The following KCTD1 variants were observed in gnomAD, a reference collection of about 807,000 sequenced individuals.
KCTD1 encodes potassium channel tetramerization domain containing 1, also known as BTB/POZ domain-containing protein KCTD1.
Under a neutral mutation model 66.0 loss-of-function variants are expected in KCTD1, and 24 were observed. The observed-to-expected ratio is 0.36, with a 90% CI of 0.26 to 0.51. The LOEUF is 0.51. Ranked by LOEUF, KCTD1 falls within the 20% of genes least tolerant of loss-of-function variation. KCTD1 has a pLI of 0.95. For synonymous variants in KCTD1, 511 were observed against 517.2 expected (o/e 0.99, Z 0.16); for missense variants, 943 against 1,205.2 (o/e 0.78, Z 3.22).
intron 1 of KCTD1, among the ~76,000 whole-genome samples, chr18:26,568,941 CA>C (rs1986043063): frequency 6.6e-6 from 1 of 152,008 alleles, no homozygotes; most frequent in Admixed American, 6.6e-5. Context: ...TTGGGCATAA[CA>C]ATTTGATTTA....
intron 2 of KCTD1, among the ~76,000 whole-genome samples, chr18:26,484,908 CATG>C (rs1981837820): frequency 6.6e-6 from 1 of 152,188 alleles, no homozygotes. Flanking sequence ...CAGGAAAGAA[CATG>C]ATGTTTGATG....
intron 2 of KCTD1, among the ~76,000 whole-genome samples, chr18:26,486,684 G>A (rs1010378257): frequency 3.9e-5 from 6 of 152,090 alleles, no homozygotes; most frequent in Admixed American, 1.3e-4. Flanking sequence ...AGGTGGCCCC[G>A]TCTCTCCCTA....
chr18:26,596,490 A>T (rs1312741509), intron 1 of KCTD1, among the ~76,000 whole-genome samples: 1 of 152,164 alleles, frequency 6.6e-6, no homozygotes, highest in East Asian at 1.9e-4. Context: ...GCCCGAGGGG[A>T]CTTAATTCTA....
At chr18:26,609,591 T>G (rs935670905) in intron 1 of KCTD1, among the ~76,000 whole-genome samples, 2 of 152,218 alleles carry the variant, frequency 1.3e-5, no homozygotes, top group African/African-American at 4.8e-5. Context: ...GATTTCCCCC[T>G]CATGAAGACT....
At chr18:26,504,126 GT>G (rs1567971231) in intron 1 of KCTD1, among the ~76,000 whole-genome samples, 5 of 151,894 alleles carry the variant, frequency 3.3e-5, no homozygotes, top group Admixed American at 1.3e-4. Flanking sequence ...GAGTGCAGTG[GT>G]GTGATCAAAG....
intron 1 of KCTD1, among the ~76,000 whole-genome samples, chr18:26,516,610 C>T (rs747968329): frequency 6.6e-6 from 1 of 152,220 alleles, no homozygotes; most frequent in East Asian, 1.9e-4. Flanking sequence ...TCACAGGCAT[C>T]AGTTGAAAGC....
rs113535882 is a variant in KCTD1, at chr18:26,580,852, TAGTGTTCATACATAA to T, written c.-16+48280_-16+48294del. Reference sequence around the variant, plus strand: ...AGAAAATGTTATAAAATTCAAATTTTAGTGTTCATACATAAAGTTTTACTGGAACACAGCCATGCT... The same window carrying T: ...AGAAAATGTTATAAAATTCAAATTTTAGTTTTACTGGAACACAGCCATGCT... On this transcript the variant is annotated intron_variant, in intron 1 of 4. Coordinates refer to the KCTD1 transcript ENST00000317932. Among the ~76,000 whole-genome samples, 161 of 152,350 alleles carry T rather than the reference TAGTGTTCATACATAA, an allele frequency of 1.1e-3. 2 individuals are homozygous for T. The highest frequency in any genetic ancestry group is 3.7e-3 in the African/African-American group (152 of 41,586).
intron 1 of KCTD1, chr18:26,543,883 C>T (rs1985089563): frequency 6.6e-6 from 1 of 152,212 alleles, no homozygotes; most frequent in South Asian, 2.1e-4. Flanking sequence ...AGAATCTAAA[C>T]TTTATTAGTA....
intron 1 of KCTD1, among the ~76,000 whole-genome samples, chr18:26,558,738 A>G (rs1006206771): frequency 2.6e-5 from 4 of 152,104 alleles, no homozygotes; most frequent in Non-Finnish European, 4.4e-5. Context: ...CCTGGCCAAC[A>G]TGGTGAAACC....
At chr18:26,515,094 A>G (rs753281423) in intron 1 of KCTD1, among the ~76,000 whole-genome samples, 1 of 152,252 alleles carries the variant, frequency 6.6e-6, no homozygotes, top group Non-Finnish European at 1.5e-5. Context: ...AAAAACCAAC[A>G]AGAGTACAAA....
intron 1 of KCTD1, among the ~76,000 whole-genome samples, chr18:26,594,048 A>G (rs964324173): frequency 2.0e-4 from 30 of 152,206 alleles, no homozygotes; most frequent in African/African-American, 7.0e-4. Context: ...TATGTGGAAG[A>G]AGAAATCACA....
rs148319980 is a variant in KCTD1 at position 26,614,096 on chromosome 18, T to C, written c.-16+15051A>G. Among the ~76,000 whole-genome samples the C allele has an allele frequency of 5.3e-4, 81 of 152,362 alleles. 1 individual carries two copies. In the East Asian group the frequency reaches 0.014, roughly 26 times the overall value. ...TCAGTCAGAAAAATATCTACACATA[T>C]ACGTTGATCTAACACACATGTGTTT... is the stretch of plus-strand genomic sequence containing the variant. On this transcript the variant is annotated intron_variant, in intron 1 of 4. Coordinates refer to the KCTD1 transcript ENST00000317932.
At chr18:26,514,160 A>G (rs931141682) in intron 1 of KCTD1, among the ~76,000 whole-genome samples, 3 of 152,208 alleles carry the variant, frequency 2.0e-5, no homozygotes, top group African/African-American at 7.2e-5. Flanking sequence ...AATGATATAA[A>G]GTGATGCTTT....
chr18:26,485,218 T>TAG lies in KCTD1; in HGVS notation c.1989-8561_1989-8560dup, dbSNP rs1441935430. 3.9e-5 allele frequency among the ~76,000 whole-genome samples: 6 copies of TAG among 152,238 alleles called. No homozygotes were observed. The South Asian group carries it at 1.2e-3, about 31-fold the overall frequency. The stretch of plus-strand genomic sequence containing the variant: ...GTGTTCATCTGTGCAGGGCACAGTA[T>TAG]AGAGTCTTGACACCTCCATGAGGTA... On this transcript the variant is annotated intron_variant, in intron 2 of 4. Transcript: ENST00000580059.
intron 1 of KCTD1, among the ~76,000 whole-genome samples, chr18:26,624,806 T>C (rs1021769028): frequency 1.3e-5 from 2 of 152,178 alleles, no homozygotes; most frequent in Admixed American, 1.3e-4. Context: ...TACTGACAGC[T>C]TGCACCATGC....
intron 1 of KCTD1, chr18:26,567,005 G>C (rs1985997603): frequency 6.6e-6 from 1 of 152,126 alleles, no homozygotes; most frequent in Non-Finnish European, 1.5e-5. Flanking sequence ...ACGAGCAGGG[G>C]AGGGTTGGTT....
At chr18:26,656,605 C>A (rs1988149465) in intron 1 of KCTD1, among the ~76,000 whole-genome samples, 1 of 146,320 alleles carries the variant, frequency 6.8e-6, no homozygotes, top group African/African-American at 2.5e-5. Flanking sequence ...CCGGCCCGGG[C>A]AAAAGGGGGA....
At chr18:26,647,555 G>A (rs1321461394) in intron 1 of KCTD1, among the ~76,000 whole-genome samples, 64 of 75,908 alleles carry the variant, frequency 8.4e-4, no homozygotes, top group Middle Eastern at 0.019. Flanking sequence ...AAAAAAAAAA[G>A]GGCTGAATTC....
rs137906164 is a variant in KCTD1 at position 26,471,949 on chromosome 18, G to A, written c.2133+4566C>T. Among the ~76,000 whole-genome samples the A allele has an allele frequency of 5.3e-5, 8 of 152,234 alleles. No homozygotes were observed. The East Asian group carries it at 1.4e-3, about 26-fold the overall frequency. ...GGATGAGGGTAGTGGATTGATTCGCGATGCGTCCAGGAGGTTAAGATGACG... is the reference window on the plus strand; with the variant it reads ...GGATGAGGGTAGTGGATTGATTCGCAATGCGTCCAGGAGGTTAAGATGACG... On this transcript the variant is annotated intron_variant, in intron 3 of 4. Transcript: ENST00000580059.
Sources: allele counts gnomAD v4.1 joint callset (sites outside exome capture counted in the v4.1 genomes callset), GRCh38; gene constraint gnomAD v4.1.1; transcripts MANE v1.5; gene names NCBI Gene and HGNC (gene_info 2026-07-23, HGNC 2026-07-21).